The following MAD1L1 variants were observed in gnomAD, a reference collection of about 807,000 sequenced individuals.
MAD1L1 encodes mitotic arrest deficient 1 like 1, also known as mitotic spindle assembly checkpoint protein MAD1.
MAD1L1 carries 95 observed loss-of-function variants against 96.9 expected under a neutral mutation model. That is an observed-to-expected ratio of 0.98 (90% CI 0.83 to 1.16). The LOEUF (loss-of-function observed/expected upper bound fraction) is 1.16. Ranked by LOEUF, MAD1L1 falls within the 50% of genes most tolerant of loss-of-function variation. The probability of loss-of-function intolerance (pLI) is 0.00; values close to 1 mark genes in which losing one functional copy is unlikely to be tolerated. For synonymous variants in MAD1L1, 473 were observed against 396.6 expected, an observed-to-expected ratio of 1.19 and a Z score of -2.29; for missense variants, 1,007 against 954.4, an observed-to-expected ratio of 1.06 and a Z score of -0.73.
chr7:1,841,408 T>G (rs1157992156), intron 18 of MAD1L1, among the ~76,000 whole-genome samples: 1 of 152,160 alleles, frequency 6.6e-6, no homozygotes, highest in African/African-American at 2.4e-5. Context: ...ATTTGCTGTT[T>G]TATACCAAGT....
intron 18 of MAD1L1, among the ~76,000 whole-genome samples, chr7:1,888,363 TGCGTGTATGTGGCTGCCTATGC>T (rs1786290011): frequency 2.0e-5 from 3 of 151,648 alleles, no homozygotes; most frequent in African/African-American, 4.8e-5. Flanking sequence ...TGTGCATGCA[TGCGTGTATGTGGCTGCCTATGC>T]GTGTGTGTGC....
chr7:2,126,118 G>A (rs1043929364), intron 11 of MAD1L1, among the ~76,000 whole-genome samples: 2 of 152,216 alleles, frequency 1.3e-5, no homozygotes, highest in African/African-American at 2.4e-5. Context: ...CTGCCAGGCG[G>A]CCCTCCTGTG....
At chr7:2,061,428 C>T (rs576860628) in intron 12 of MAD1L1, among the ~76,000 whole-genome samples, 1 of 152,332 alleles carries the variant, frequency 6.6e-6, no homozygotes, top group South Asian at 2.1e-4. Context: ...CCCCAGGAGT[C>T]GGTGTCTAAC....
At chr7:2,000,763 T>C (rs1325006301) in intron 14 of MAD1L1, among the ~76,000 whole-genome samples, 1 of 152,218 alleles carries the variant, frequency 6.6e-6, no homozygotes, top group Non-Finnish European at 1.5e-5. Context: ...AAGCAGCTGC[T>C]GAGTGAACAG....
chr7:1,856,167 G>A (rs558743255), intron 18 of MAD1L1, among the ~76,000 whole-genome samples: 45 of 152,332 alleles, frequency 3.0e-4, no homozygotes, highest in Admixed American at 2.6e-3. Context: ...GCAAGGCCCC[G>A]CGCCCTCCTG....
intron 12 of MAD1L1, among the ~76,000 whole-genome samples, chr7:2,054,130 T>G (rs1478952648): frequency 1.3e-5 from 2 of 151,976 alleles, no homozygotes; most frequent in Admixed American, 6.5e-5. Flanking sequence ...TCTCCTCAAA[T>G]CTCCCTGAAA....
At chr7:2,177,067 C>T (rs1790981575) in intron 10 of MAD1L1, among the ~76,000 whole-genome samples, 1 of 133,588 alleles carries the variant, frequency 7.5e-6, no homozygotes, top group Non-Finnish European at 1.7e-5. Context: ...GGAGATCTGT[C>T]AATGCCTTCA....
intron 10 of MAD1L1, among the ~76,000 whole-genome samples, chr7:2,206,952 A>C (rs1359048489): frequency 3.9e-5 from 6 of 152,056 alleles, no homozygotes; most frequent in Non-Finnish European, 1.5e-5. Flanking sequence ...ATGGTGGTCC[A>C]TGCCTGTAGT....
At chr7:1,829,164 G>A (rs1562433879) in intron 18 of MAD1L1, among the ~76,000 whole-genome samples, 1 of 152,380 alleles carries the variant, frequency 6.6e-6, no homozygotes, top group East Asian at 1.9e-4. Flanking sequence ...GAGGCAGGCT[G>A]GTGGCACTTC....
intron 11 of MAD1L1, among the ~76,000 whole-genome samples, chr7:2,081,160 GGT>G (rs1785624137): frequency 6.6e-6 from 1 of 152,058 alleles, no homozygotes; most frequent in Admixed American, 6.5e-5. Context: ...CAGCGGGAAG[GGT>G]GTTTGGAAAC....
chr7:2,216,501 G>A (rs937700588), intron 7 of MAD1L1, among the ~76,000 whole-genome samples: 3 of 152,270 alleles, frequency 2.0e-5, no homozygotes, highest in South Asian at 4.1e-4. Context: ...AGGATTTTTA[G>A]GCAGTAAAAC....
chr7:1,959,919 T>TA (rs914909126), intron 15 of MAD1L1, among the ~76,000 whole-genome samples: 7 of 151,634 alleles, frequency 4.6e-5, no homozygotes, highest in Admixed American at 1.3e-4. Context: ...TCAGGTCTCT[T>TA]AAAAAAATTT....
chr7:2,145,810 G>C (rs1429503386), intron 11 of MAD1L1, among the ~76,000 whole-genome samples: 1 of 152,188 alleles, frequency 6.6e-6, no homozygotes, highest in Middle Eastern at 3.2e-3. Flanking sequence ...TAACTATGGA[G>C]AGAAACTGAG....
intron 17 of MAD1L1, among the ~76,000 whole-genome samples, chr7:1,901,545 A>C (rs1787243544): frequency 6.6e-6 from 1 of 152,204 alleles, no homozygotes; most frequent in African/African-American, 2.4e-5. Flanking sequence ...GCATGGGCTG[A>C]GGCGAGACAG....
At chr7:1,870,373 G>A (rs115670020) in intron 18 of MAD1L1, among the ~76,000 whole-genome samples, 3,974 of 135,034 alleles carry the variant, frequency 0.029, 280 homozygotes, top group Admixed American at 0.075. Flanking sequence ...CCCAACATAC[G>A]CTTGCCATGC....
In MAD1L1 at chr7:2,097,622, C is replaced by T. The variant is rs146584550; in HGVS notation, c.1074-28284G>A. 5.2e-3 allele frequency among the ~76,000 whole-genome samples: 797 copies of T among 152,304 alleles called. 10 individuals carry two copies. Among genetic ancestry groups the T allele is most frequent in the African/African-American group, 0.018 (759 of 41,562 alleles). ...GTGAGAACCCAGGCAGCAGGAGGTG[C>T]GGACACCCACAGCCACAGCCGGCCA... is the stretch of plus-strand genomic sequence containing the variant. On this transcript the variant is annotated intron_variant, in intron 11 of 18. Coordinates refer to ENST00000265854, the MANE Select transcript of MAD1L1 (RefSeq NM_001013836.2).
At chr7:1,936,659 G>C (rs2128463824) in intron 17 of MAD1L1, 28 bp downstream of exon 17, 1 of 1,540,854 alleles carries the variant, frequency 6.5e-7, no homozygotes, top group East Asian at 2.4e-5. Flanking sequence ...GTCGAGGATG[G>C]CAGGGACCGG....
At chr7:1,936,998 C>T (rs957772349) in intron 16 of MAD1L1, 101 bp from the exon 17 acceptor site, 41 of 918,406 alleles carry the variant, frequency 4.5e-5, no homozygotes, top group African/African-American at 1.5e-4. Context: ...ACACACAGCA[C>T]GGGTCACACA....
rs1039908754 is a variant in MAD1L1 at position 2,050,908 on chromosome 7, T to C, written c.1218+18286A>G. 5.3e-5 allele frequency among the ~76,000 whole-genome samples: 8 copies of C among 152,340 alleles called. No homozygotes were observed. The South Asian group carries it at 6.2e-4, about 12-fold the overall frequency. On this transcript the variant is annotated intron_variant, in intron 12 of 18. Coordinates refer to ENST00000265854, the MANE Select transcript of MAD1L1 (RefSeq NM_001013836.2). ...ACCACCACCAGGATGCTGCAGCTATTTTTAGTAGAAAGACTCAAGAGGCTT... is the reference window on the plus strand; with the variant it reads ...ACCACCACCAGGATGCTGCAGCTATCTTTAGTAGAAAGACTCAAGAGGCTT...
Sources: gnomAD v4.1 joint callset for allele counts (sites outside exome capture counted in the v4.1 genomes callset) on GRCh38, gnomAD v4.1.1 for gene constraint, MANE v1.5 for transcripts, NCBI Gene and HGNC (gene_info 2026-07-23, HGNC 2026-07-21) for gene names.